Variants in PAPPA observed in about 807,000 individuals in gnomAD.
PAPPA encodes pappalysin 1, also known as pappalysin-1.
Under a neutral mutation model 164.0 loss-of-function variants are expected in PAPPA, and 60 were observed. The observed-to-expected ratio is 0.37, with a 90% CI of 0.30 to 0.45. The LOEUF (loss-of-function observed/expected upper bound fraction) is 0.45. PAPPA is among the 20% of genes least tolerant of loss of function. The probability of loss-of-function intolerance (pLI) is 1.00; values close to 1 mark genes in which losing one functional copy is unlikely to be tolerated. For synonymous variants in PAPPA, 875 were observed against 814.1 expected (o/e 1.07, Z -1.27); for missense variants, 1,782 against 2,087.3 (o/e 0.85, Z 2.85).
chr9:116,225,427 A>C (rs1844494254), intron 5 of PAPPA, among the ~76,000 whole-genome samples: 1 of 152,248 alleles, frequency 6.6e-6, no homozygotes, highest in Non-Finnish European at 1.5e-5. Context: ...GGGTGGGATC[A>C]ATCATCCTAT....
chr9:116,334,253 A>C lies in PAPPA; in HGVS notation c.3398-608A>C, dbSNP rs576334799. Among the ~76,000 whole-genome samples the C allele has an allele frequency of 7.3e-5, 11 of 151,026 alleles. No individual in the cohort carries two copies. The East Asian group carries it at 9.8e-4, about 13-fold the overall frequency. ...CTGGCTGCATTAAAAAAAAAAAAAA[A>C]AAAAAAACAGGGCTCTTGAGTGAGG... On this transcript the variant is annotated intron_variant, in intron 12 of 21. Coordinates refer to ENST00000328252, the MANE Select transcript of PAPPA (RefSeq NM_002581.5).
chr9:116,360,078 C>T (rs1846404419), intron 17 of PAPPA, among the ~76,000 whole-genome samples: 1 of 152,212 alleles, frequency 6.6e-6, no homozygotes, highest in African/African-American at 2.4e-5. Flanking sequence ...ACTTCTAATA[C>T]ATTCTCTGTT....
rs1843997805 is a variant in PAPPA at position 116,188,034 on chromosome 9, G to C, written c.1296G>C (p.Leu432=). 1 of 1,614,200 alleles carries C rather than the reference G, an allele frequency of 6.2e-7. No homozygotes were observed. The highest frequency in any genetic ancestry group is 8.5e-7 in the Non-Finnish European group (1 of 1,180,046). ...ENCDPECNHT[L]TGHDGGDCRH... ...GTGACCCCGAGTGCAACCACACGCT[G>C]ACGGGCCACGACGGCGGGGATTGCC... Residue 432 remains leucine (L), a synonymous_variant, in exon 2 of 22, where the codon CTG becomes CTC. Transcript: ENST00000328252.
At chr9:116,387,946 A>T (rs1446452129) in intron 21 of PAPPA, among the ~76,000 whole-genome samples, 1 of 152,104 alleles carries the variant, frequency 6.6e-6, no homozygotes, top group Non-Finnish European at 1.5e-5. Flanking sequence ...AGAGTTAAGC[A>T]CTCAGCATCT....
Position 116,332,316 on chromosome 9 carries a change from C to A in PAPPA, c.3262-17C>A. The A allele has an allele frequency of 6.2e-7, 1 of 1,609,910 alleles. No homozygotes were observed. Among genetic ancestry groups the A allele is most frequent in the Non-Finnish European group, 8.5e-7 (1 of 1,177,198 alleles). Reference sequence around the variant, plus strand: ...ACTGAGTGCACATGTGACCCTCCTACGTCTTCACAATTTCAGGCGTATTTT... The same window carrying A: ...ACTGAGTGCACATGTGACCCTCCTAAGTCTTCACAATTTCAGGCGTATTTT... On this transcript the variant is annotated splice_polypyrimidine_tract_variant and intron_variant, in intron 11 of 21. Transcript: ENST00000328252.
chr9:116,365,253 C>T (rs1053250675), intron 18 of PAPPA, among the ~76,000 whole-genome samples: 4 of 152,120 alleles, frequency 2.6e-5, no homozygotes, highest in African/African-American at 7.2e-5. Context: ...CCCTGCGTGC[C>T]TCCCCCAGGC....
intron 7 of PAPPA, among the ~76,000 whole-genome samples, chr9:116,253,173 A>G (rs967245028): frequency 3.9e-4 from 60 of 152,170 alleles, no homozygotes; most frequent in Admixed American, 1.2e-3. Flanking sequence ...GCTATCAAAA[A>G]AAAAAGCCTC....
intron 2 of PAPPA, among the ~76,000 whole-genome samples, chr9:116,193,523 G>A (rs971451634): frequency 5.3e-5 from 8 of 152,076 alleles, no homozygotes; most frequent in African/African-American, 1.4e-4. Context: ...AGACACTGAC[G>A]CAAACCATCC....
rs148279796 is a variant in PAPPA at position 116,283,217 on chromosome 9, C to G, written c.2953+11801C>G. 4.3e-4 allele frequency among the ~76,000 whole-genome samples: 66 copies of G among 152,268 alleles called. No homozygotes were observed. The East Asian group carries it at 0.01, about 24-fold the overall frequency. The stretch of plus-strand genomic sequence containing the variant: ...TTCTGTGCAATGCAGGGTTAAGCAG[C>G]AGAAACCTTTGTTAGAGGGCTGCAG... On this transcript the variant is annotated intron_variant, in intron 9 of 21. Transcript: ENST00000328252.
chr9:116,338,439 TG>T (rs1316408700), intron 13 of PAPPA, among the ~76,000 whole-genome samples: 3 of 151,834 alleles, frequency 2.0e-5, no homozygotes, highest in African/African-American at 7.3e-5. Flanking sequence ...TGGTTGGGGG[TG>T]GGGGTGCCCA....
At chr9:116,293,830 C>A (rs530709492) in intron 9 of PAPPA, among the ~76,000 whole-genome samples, 11 of 152,110 alleles carry the variant, frequency 7.2e-5, no homozygotes, top group Admixed American at 7.2e-4. Flanking sequence ...TGGCGCATTC[C>A]TGTAATCCCA....
At chr9:116,368,052 G>A (rs1230273608) in intron 19 of PAPPA, among the ~76,000 whole-genome samples, 1 of 152,120 alleles carries the variant, frequency 6.6e-6, no homozygotes, top group Non-Finnish European at 1.5e-5. Flanking sequence ...ATAAACTGAG[G>A]CACCAATAAC....
Position 116,377,557 on chromosome 9 carries a change from T to C in PAPPA, c.4606-19T>C. On this transcript the variant is annotated intron_variant, in intron 19 of 21. Coordinates refer to ENST00000328252, the MANE Select transcript of PAPPA (RefSeq NM_002581.5). ...CCCAATCCCAAGCCCATCTGACCTT[T>C]CTCTCCCTCTTCCCACAGAGAGTTG... 6.2e-7 allele frequency: 1 copy of C among 1,602,330 alleles called. No individual in the cohort carries two copies. Among genetic ancestry groups the C allele is most frequent in the Non-Finnish European group, 8.6e-7 (1 of 1,169,478 alleles).
chr9:116,211,674 C>G lies in PAPPA; in HGVS notation c.1660C>G (p.Pro554Ala), dbSNP rs1281058055. 2 of 1,613,964 alleles carry G rather than the reference C, an allele frequency of 1.2e-6. No homozygotes were observed. The highest frequency in any genetic ancestry group is 2.7e-5 in the African/African-American group (2 of 74,902). ...IVLNPSFYGMPGHTHTMIHEI... is the reference protein window; with the variant it reads ...IVLNPSFYGMAGHTHTMIHEI... ...CTTGAACCCATCTTTCTATGGCATG[C>G]CTGGGCACACCCACACCATGATCCA... Residue 554 changes from proline (P) to alanine (A), a missense_variant, in exon 4 of 22, where the codon CCT (proline) becomes GCT (alanine). Around this residue, in one of 2 missense-constraint regions of PAPPA, gnomAD observed 1,324 missense variants for 1,656.9 expected, o/e 0.80. Transcript: ENST00000328252.
chr9:116,389,762 C>G (rs1231220945), intron 21 of PAPPA, among the ~76,000 whole-genome samples: 2 of 151,768 alleles, frequency 1.3e-5, no homozygotes, highest in African/African-American at 4.8e-5. Context: ...CCTGACCACC[C>G]AACCCACATC....
intron 4 of PAPPA, 70 bp from the exon 5 acceptor site, chr9:116,219,867 C>T (rs1233177757): frequency 3.2e-5 from 42 of 1,315,648 alleles, no homozygotes; most frequent in African/African-American, 1.3e-4. Context: ...CGCCAGGAGC[C>T]GTCATTACTC....
intron 9 of PAPPA, among the ~76,000 whole-genome samples, chr9:116,289,477 A>C (rs1160668791): frequency 6.6e-6 from 1 of 150,988 alleles, no homozygotes; most frequent in Non-Finnish European, 1.5e-5. Context: ...GCTTACAAAC[A>C]TGCATTTCTC....
chr9:116,247,306 A>G (rs950167129), intron 7 of PAPPA, among the ~76,000 whole-genome samples: 6 of 152,176 alleles, frequency 3.9e-5, no homozygotes, highest in African/African-American at 1.4e-4. Context: ...TGTTCTGCAG[A>G]ACTTCACAGA....
intron 10 of PAPPA, among the ~76,000 whole-genome samples, chr9:116,314,060 CTTTTTTTTTTTTTTT>C (rs57871796): frequency 7.2e-5 from 5 of 69,700 alleles, no homozygotes; most frequent in Non-Finnish European, 1.2e-4. Flanking sequence ...TGCATCGAAT[CTTTTTTTTTTTTTTT>C]TTTTTTTTTT....
Sources: allele counts gnomAD v4.1 joint callset (sites outside exome capture counted in the v4.1 genomes callset), GRCh38; gene constraint gnomAD v4.1.1; regional missense constraint gnomAD v4.1.1; transcripts MANE v1.5; gene names NCBI Gene and HGNC (gene_info 2026-07-23, HGNC 2026-07-21).